The following SULT6B1 variants were observed in gnomAD, a reference collection of about 807,000 sequenced individuals.
SULT6B1 encodes sulfotransferase family 6B member 1, also known as sulfotransferase 6B1.
A neutral mutation model predicts 37.2 loss-of-function variants in SULT6B1; 44 were observed. That is an observed-to-expected ratio of 1.18 (90% CI 0.93 to 1.52). The LOEUF (loss-of-function observed/expected upper bound fraction) is 1.52. Ranked by LOEUF, SULT6B1 falls within the 40% of genes most tolerant of loss-of-function variation. The pLI, the probability that SULT6B1 is intolerant of heterozygous loss-of-function variation, is 0.00. For synonymous variants in SULT6B1, 140 were observed against 126.0 expected, an observed-to-expected ratio of 1.11 and a Z score of -0.74; for missense variants, 450 against 361.0, an observed-to-expected ratio of 1.25 and a Z score of -2.00.
intron 2 of SULT6B1, among the ~76,000 whole-genome samples, chr2:37,184,599 G>T (rs1031096367): frequency 6.6e-6 from 1 of 152,164 alleles, no homozygotes; most frequent in Non-Finnish European, 1.5e-5. Context: ...GATGTTTGTA[G>T]CCAATTGTTC....
chr2:37,179,428 T>C (rs1282368932), intron 4 of SULT6B1, 30 bp downstream of exon 4: 2 of 1,611,558 alleles, frequency 1.2e-6, no homozygotes, highest in Non-Finnish European at 1.7e-6. Flanking sequence ...TCTGATCAAG[T>C]AAGAATAATT....
At chr2:37,190,723 A>G (rs898620528), upstream of SULT6B1, among the ~76,000 whole-genome samples, 4 of 152,086 alleles carry the variant, frequency 2.6e-5, no homozygotes, top group South Asian at 2.1e-4. Context: ...TTTAAGGGGG[A>G]AATGTATGGG....
chr2:37,187,327 T>C, intron 2 of SULT6B1, 28 bp downstream of exon 2: 1 of 1,374,390 alleles, frequency 7.3e-7, no homozygotes, highest in Non-Finnish European at 1.0e-6. Flanking sequence ...GATAATTTGC[T>C]GTAAGGTTAA....
chr2:37,183,607 G>T, intron 2 of SULT6B1, 93 bp from the exon 3 acceptor site: 1 of 928,646 alleles, frequency 1.1e-6, no homozygotes, highest in Non-Finnish European at 1.7e-6. Context: ...CTAAGTGATA[G>T]TTTCTAGCAC....
At chr2:37,174,607 A>G (rs1317676178) in intron 5 of SULT6B1, among the ~76,000 whole-genome samples, 1 of 151,892 alleles carries the variant, frequency 6.6e-6, no homozygotes, top group Non-Finnish European at 1.5e-5. Flanking sequence ...CTCACATACT[A>G]TATACATTTT....
chr2:37,182,894 A>G (rs62135000), intron 3 of SULT6B1, among the ~76,000 whole-genome samples: 45,362 of 151,994 alleles, frequency 0.3, 7,786 homozygotes, highest in East Asian at 0.78. Context: ...AAAATAAAAT[A>G]GTTTCAGCGA....
At chr2:37,177,411 C>CAAAAAAAAAAAAAAAAAAAAAAAAAAA (rs57205863) in intron 4 of SULT6B1, among the ~76,000 whole-genome samples, 1 of 76,294 alleles carries the variant, frequency 1.3e-5, no homozygotes. Flanking sequence ...AATCTTGTCT[C>CAAAAAAAAAAAAAAAAAAAAAAAAAAA]AAAAAAAAAA....
intron 5 of SULT6B1, among the ~76,000 whole-genome samples, chr2:37,174,459 A>C (rs914803330): frequency 5.3e-5 from 8 of 151,776 alleles, no homozygotes; most frequent in African/African-American, 1.7e-4. Context: ...CAGCCTCTCA[A>C]AGTGTTGGGA....
chr2:37,172,056 T>C (rs534407528), intron 5 of SULT6B1, among the ~76,000 whole-genome samples: 1 of 152,292 alleles, frequency 6.6e-6, no homozygotes, highest in East Asian at 1.9e-4. Flanking sequence ...AAGAATTTTT[T>C]TTTTTTTTTT....
chr2:37,188,412 T>C, intron 1 of SULT6B1, 30 bp downstream of exon 1: 1 of 1,583,614 alleles, frequency 6.3e-7, no homozygotes, highest in Non-Finnish European at 8.7e-7. Flanking sequence ...CTATGAGAAG[T>C]GTACTTGTAG....
Position 37,178,354 on chromosome 2 carries a change from G to C in SULT6B1, c.529+1104C>G, listed in dbSNP as rs111574599. Reference sequence around the variant, plus strand: ...CTGTTCATGCAAGTCTTCTGCCTCAGCCTACTAAGTAGCTGGGATTACAGG... The same window carrying C: ...CTGTTCATGCAAGTCTTCTGCCTCACCCTACTAAGTAGCTGGGATTACAGG... On this transcript the variant is annotated intron_variant, in intron 4 of 6. Coordinates refer to ENST00000535679, the MANE Select transcript of SULT6B1 (RefSeq NM_001367551.1). Among the ~76,000 whole-genome samples, 1,342 of 152,172 alleles carry C rather than the reference G, an allele frequency of 8.8e-3. 20 individuals carry two copies. The highest frequency in any genetic ancestry group is 0.031 in the African/African-American group (1,266 of 41,494).
chr2:37,174,157 C>T (rs1212205378), intron 5 of SULT6B1, among the ~76,000 whole-genome samples: 1 of 151,868 alleles, frequency 6.6e-6, no homozygotes, highest in Non-Finnish European at 1.5e-5. Flanking sequence ...ACTTGGCTCA[C>T]TCCCCCACTT....
intron 5 of SULT6B1, among the ~76,000 whole-genome samples, 159 bp downstream of exon 5, chr2:37,174,973 T>C (rs1676381988): frequency 6.6e-6 from 1 of 152,364 alleles, no homozygotes. Context: ...TAAGCATGTA[T>C]GCATGGTTTG....
intron 2 of SULT6B1, among the ~76,000 whole-genome samples, chr2:37,184,380 T>C (rs1031212018): frequency 1.3e-5 from 2 of 152,248 alleles, no homozygotes; most frequent in African/African-American, 2.4e-5. Context: ...AGGTGATTGA[T>C]TCTTTTTCTG....
chr2:37,186,223 G>A (rs548066261), intron 2 of SULT6B1, among the ~76,000 whole-genome samples: 1 of 152,242 alleles, frequency 6.6e-6, no homozygotes, highest in East Asian at 1.9e-4. Context: ...CTGCCTGTTG[G>A]GAATCTTGGT....
At chr2:37,173,042 G>T (rs574711094) in intron 5 of SULT6B1, among the ~76,000 whole-genome samples, 1 of 146,746 alleles carries the variant, frequency 6.8e-6, no homozygotes, top group East Asian at 2.1e-4. Context: ...TAGTAGAGAC[G>T]GGGTTTCACT....
intron 2 of SULT6B1, among the ~76,000 whole-genome samples, chr2:37,186,420 A>G (rs1676674980): frequency 1.3e-5 from 2 of 152,150 alleles, no homozygotes; most frequent in Non-Finnish European, 2.9e-5. Context: ...CTGGGCAGGG[A>G]GTAGAACATC....
chr2:37,171,302 G>T, intron 6 of SULT6B1, 132 bp downstream of exon 6: 1 of 1,042,804 alleles, frequency 9.6e-7, no homozygotes, highest in Non-Finnish European at 1.4e-6. Flanking sequence ...TGGAGAGCCT[G>T]TGTCCAGACC....
chr2:37,189,059 G>A (rs555971848), upstream of SULT6B1, among the ~76,000 whole-genome samples: 59 of 152,272 alleles, frequency 3.9e-4, no homozygotes, highest in South Asian at 0.012. Context: ...GGTGTGAAAG[G>A]AAGCAATGGG....
Sources: gnomAD v4.1 joint callset for allele counts (sites outside exome capture counted in the v4.1 genomes callset) on GRCh38, gnomAD v4.1.1 for gene constraint, MANE v1.5 for transcripts, NCBI Gene and HGNC (gene_info 2026-07-23, HGNC 2026-07-21) for gene names.